TNIP1: variants seen among roughly 807,000 people sequenced by gnomAD.
TNIP1 encodes the protein TNFAIP3-interacting protein 1.
In TNIP1, 22 loss-of-function variants were observed where a neutral mutation model predicts 86.6. The ratio of observed to expected loss-of-function variants is 0.25; its 90% CI spans 0.18 to 0.36. The LOEUF is 0.36. Ranked by LOEUF, TNIP1 falls within the 10% of genes least tolerant of loss-of-function variation. The pLI, the probability that TNIP1 is intolerant of heterozygous loss-of-function variation, is 1.00. For missense variants in TNIP1, 709 were observed against 820.6 expected, an observed-to-expected ratio of 0.86 and a Z score of 1.66; for synonymous variants, 294 against 313.0, an observed-to-expected ratio of 0.94 and a Z score of 0.64.
chr5:151,035,206 A>G, intron 14 of TNIP1, 139 bp from the exon 15 acceptor site: 1 of 1,001,576 alleles, frequency 1.0e-6, no homozygotes, highest in Non-Finnish European at 1.5e-6. Context: ...AGCCCCGGGA[A>G]AGGGCCCTGA....
chr5:151,055,314 A>G (rs1325759737), intron 6 of TNIP1, among the ~76,000 whole-genome samples: 1 of 152,192 alleles, frequency 6.6e-6, no homozygotes, highest in Non-Finnish European at 1.5e-5. Context: ...CAAGGAGGGG[A>G]CTGAAATAAA....
intron 11 of TNIP1, among the ~76,000 whole-genome samples, chr5:151,041,237 A>G (rs1026739527): frequency 6.6e-6 from 1 of 151,858 alleles, no homozygotes; most frequent in Non-Finnish European, 1.5e-5. Flanking sequence ...CTCCCAGTTA[A>G]TATTTGTATT....
At chr5:151,051,057 A>G (rs1453451222) in intron 7 of TNIP1, among the ~76,000 whole-genome samples, 1 of 152,220 alleles carries the variant, frequency 6.6e-6, no homozygotes, top group East Asian at 1.9e-4. Flanking sequence ...AAGGTCATAC[A>G]GCAGAGACTT....
chr5:151,072,928 C>T (rs1345573595), intron 1 of TNIP1, among the ~76,000 whole-genome samples: 2 of 152,178 alleles, frequency 1.3e-5, no homozygotes, highest in Non-Finnish European at 1.5e-5. Flanking sequence ...CATGTAGAAA[C>T]GTGTGCTTGA....
intron 4 of TNIP1, among the ~76,000 whole-genome samples, chr5:151,060,949 G>A (rs1026514918): frequency 1.6e-4 from 25 of 152,314 alleles, no homozygotes; most frequent in African/African-American, 5.5e-4. Flanking sequence ...AGCATGTCCT[G>A]TGCTGGCCTT....
chr5:151,083,690 G>A (rs1764167454), upstream of TNIP1, among the ~76,000 whole-genome samples: 1 of 152,144 alleles, frequency 6.6e-6, no homozygotes, highest in Non-Finnish European at 1.5e-5. Flanking sequence ...GCAACTTCTC[G>A]ATCTCCTTTC....
chr5:151,079,402 T>A (rs1763749149), intron 1 of TNIP1, among the ~76,000 whole-genome samples: 1 of 152,152 alleles, frequency 6.6e-6, no homozygotes, highest in Admixed American at 6.5e-5. Context: ...GACGGGCGGA[T>A]CACTTGAGGT....
chr5:151,083,057 C>T (rs911099895), upstream of TNIP1, among the ~76,000 whole-genome samples: 1 of 152,184 alleles, frequency 6.6e-6, no homozygotes, highest in Admixed American at 6.5e-5. Context: ...TGTGCTTGGT[C>T]CACTGTACCA....
At chr5:151,032,407 A>C (rs370795264) in intron 16 of TNIP1, 24 bp from the exon 17 acceptor site, 2 of 1,610,840 alleles carry the variant, frequency 1.2e-6, no homozygotes, top group Non-Finnish European at 1.7e-6. Flanking sequence ...GGTGCTTAAT[A>C]ATCAATAATC....
chr5:151,037,858 G>A (rs530976317), intron 12 of TNIP1, among the ~76,000 whole-genome samples: 22 of 152,306 alleles, frequency 1.4e-4, no homozygotes, highest in African/African-American at 5.3e-4. Context: ...AGGACCGAGA[G>A]TAAATTCAGG....
intron 14 of TNIP1, 135 bp from the exon 15 acceptor site, chr5:151,035,202 G>A (rs948790256): frequency 2.9e-5 from 30 of 1,029,584 alleles, no homozygotes; most frequent in South Asian, 1.0e-4. Flanking sequence ...GGCCAGCCCC[G>A]GGAAAGGGCC....
At chr5:151,034,023 G>C (rs1398500832) in intron 15 of TNIP1, among the ~76,000 whole-genome samples, 1 of 152,148 alleles carries the variant, frequency 6.6e-6, no homozygotes, top group East Asian at 1.9e-4. Flanking sequence ...ATGGAAGGCT[G>C]GGTACACATG....
chr5:151,059,808 A>G (rs1221872505), intron 5 of TNIP1, among the ~76,000 whole-genome samples: 17 of 113,468 alleles, frequency 1.5e-4, no homozygotes, highest in African/African-American at 7.4e-4. Context: ...AGAGAGAGAG[A>G]GAGAGAGAGA....
At position 151,029,970 on chromosome 5, in the gene TNIP1, G is replaced by A; in HGVS notation, c.*743C>T. The A allele has an allele frequency of 2.3e-6, 1 of 431,502 alleles. No individual in the cohort carries two copies. The highest frequency in any genetic ancestry group is 2.4e-5 in the Admixed American group (1 of 40,950). 26.7% of individuals were successfully genotyped at this position (431,502 alleles called of 1,614,324 possible). ...TTGATCTTCTTCAACTTGGATTTAT[G>A]TCCATGATTCGTGCAAATAGCTATC... On this transcript the variant is annotated 3_prime_UTR_variant, in exon 18 of 18. Transcript: ENST00000521591.
intron 6 of TNIP1, among the ~76,000 whole-genome samples, chr5:151,053,203 AG>A (rs1760198150): frequency 7.1e-6 from 1 of 140,484 alleles, no homozygotes; most frequent in Non-Finnish European, 1.5e-5. Flanking sequence ...TCCACCTCCC[AG>A]GTTCAAGAGA....
chr5:151,050,801 G>C (rs1561839492), intron 7 of TNIP1, among the ~76,000 whole-genome samples: 1 of 151,802 alleles, frequency 6.6e-6, no homozygotes, highest in Non-Finnish European at 1.5e-5. Flanking sequence ...TGAGTAGCTG[G>C]GACTACAGGC....
intron 5 of TNIP1, 41 bp from the exon 6 acceptor site, chr5:151,056,998 C>G: frequency 7.2e-7 from 1 of 1,383,124 alleles, no homozygotes. Flanking sequence ...TTCACCAAGG[C>G]CTGAGTAGGC....
At chr5:151,084,520 A>G (rs1458144008), upstream of TNIP1, among the ~76,000 whole-genome samples, 1 of 152,070 alleles carries the variant, frequency 6.6e-6, no homozygotes, top group East Asian at 1.9e-4. Context: ...ACCAAGGGCC[A>G]GAGAGCGGCA....
chr5:151,083,639 C>T (rs191087884), upstream of TNIP1, among the ~76,000 whole-genome samples: 86 of 152,302 alleles, frequency 5.6e-4, 1 homozygote, highest in East Asian at 0.016. Context: ...ATCAAACTGC[C>T]TTTGTTTTGT....
Sources: allele counts gnomAD v4.1 joint callset (sites outside exome capture counted in the v4.1 genomes callset), GRCh38; gene constraint gnomAD v4.1.1; transcripts MANE v1.5; gene names NCBI Gene and HGNC (gene_info 2026-07-23, HGNC 2026-07-21).